KSR2: variants seen among roughly 807,000 people sequenced by gnomAD.
The protein encoded by KSR2 is kinase suppressor of ras 2.
In KSR2, 25 loss-of-function variants were observed where a neutral mutation model predicts 107.8. That is an observed-to-expected ratio of 0.23 (90% CI 0.17 to 0.32). The LOEUF (loss-of-function observed/expected upper bound fraction) is 0.32. KSR2 is among the 10% of genes least tolerant of loss of function. KSR2 has a pLI of 1.00. For missense variants in KSR2, 887 were observed against 1,268.9 expected, an observed-to-expected ratio of 0.70 and a Z score of 4.57; for synonymous variants, 480 against 507.0, an observed-to-expected ratio of 0.95 and a Z score of 0.71.
intron 14 of KSR2, among the ~76,000 whole-genome samples, chr12:117,512,975 G>A (rs1874125707): frequency 1.3e-5 from 2 of 152,064 alleles, no homozygotes; most frequent in African/African-American, 4.8e-5. Context: ...TTCTCTTGGA[G>A]GAAAACCTCT....
In KSR2 at chr12:117,776,776, T is replaced by C. The variant is rs12228883; in HGVS notation, c.473-15252A>G. On this transcript the variant is annotated intron_variant, in intron 3 of 19. Transcript: ENST00000339824. The stretch of plus-strand genomic sequence containing the variant: ...GAGGATCTCATCTCAATTCTTCACC[T>C]TGGGGAGGCTTCCCCACCCACCTCC... Among the ~76,000 whole-genome samples the C allele has an allele frequency of 6.8e-4, 103 of 152,084 alleles. 1 individual carries two copies. The East Asian group carries it at 0.016, about 23-fold the overall frequency.
At chr12:117,960,194 G>A (rs1033360275) in intron 1 of KSR2, among the ~76,000 whole-genome samples, 2 of 152,172 alleles carry the variant, frequency 1.3e-5, no homozygotes, top group Non-Finnish European at 2.9e-5. Flanking sequence ...AAACCTCCAT[G>A]AAAGAGCCTT....
chr12:117,905,568 T>C (rs1457705716), intron 1 of KSR2, among the ~76,000 whole-genome samples: 2 of 152,112 alleles, frequency 1.3e-5, no homozygotes, highest in Non-Finnish European at 2.9e-5. Context: ...TAATGAAGTG[T>C]GCAGGTTACA....
intron 1 of KSR2, among the ~76,000 whole-genome samples, chr12:117,958,672 T>C (rs1221218256): frequency 6.6e-6 from 1 of 152,040 alleles, no homozygotes; most frequent in Non-Finnish European, 1.5e-5. Context: ...AATACAAAAA[T>C]CAGCTGGGTG....
At chr12:117,825,126 G>A (rs562882654) in intron 3 of KSR2, among the ~76,000 whole-genome samples, 1 of 152,252 alleles carries the variant, frequency 6.6e-6, no homozygotes, top group East Asian at 1.9e-4. Context: ...AGGCTGTAGT[G>A]AGCCAACATT....
rs370967631 is a variant in KSR2, at chr12:117,838,158, C to T, written c.472+17270G>A. On this transcript the variant is annotated intron_variant, in intron 3 of 19. Transcript: ENST00000339824. Reference sequence around the variant, plus strand: ...GACCCCAAAAGTCAGCACAATGGACCATGCATAACGTTTTGGGTTGGGTTT... The same window carrying T: ...GACCCCAAAAGTCAGCACAATGGACTATGCATAACGTTTTGGGTTGGGTTT... Among the ~76,000 whole-genome samples the T allele has an allele frequency of 2.1e-4, 32 of 152,330 alleles. No individual in the cohort carries two copies. In the South Asian group the frequency reaches 6.6e-3, roughly 32 times the overall value.
At chr12:117,628,014 G>A (rs1052951469) in intron 5 of KSR2, among the ~76,000 whole-genome samples, 8 of 152,012 alleles carry the variant, frequency 5.3e-5, no homozygotes, top group African/African-American at 7.2e-5. Flanking sequence ...GTTTGTGCAC[G>A]CGTCACGAAG....
At chr12:117,740,699 C>T (rs1020589174) in intron 4 of KSR2, among the ~76,000 whole-genome samples, 7 of 144,430 alleles carry the variant, frequency 4.8e-5, no homozygotes, top group Non-Finnish European at 1.1e-4. Context: ...ATATACACCA[C>T]AATTTATCCA....
intron 7 of KSR2, among the ~76,000 whole-genome samples, chr12:117,567,908 G>A (rs772780621): frequency 3.3e-5 from 5 of 151,628 alleles, no homozygotes; most frequent in Non-Finnish European, 7.4e-5. Flanking sequence ...TCTCTTGTTT[G>A]AGCCAGTGCT....
chr12:117,455,046 G>T lies in KSR2; in HGVS notation c.*12153C>A, dbSNP rs535140090. On this transcript the variant is annotated 3_prime_UTR_variant, in exon 20 of 20. Transcript: ENST00000339824. ...AGAGACAGACAGACAGAGAGAGAGAGAGAGAGAGAGAGAGAGAGAGAGAGA... is the reference window on the plus strand; with the variant it reads ...AGAGACAGACAGACAGAGAGAGAGATAGAGAGAGAGAGAGAGAGAGAGAGA... The T allele has an allele frequency of 4.4e-4, 67 of 150,908 alleles. No homozygotes were observed. The highest frequency in any genetic ancestry group is 1.5e-3 in the African/African-American group (63 of 40,806). 9.3% of individuals were successfully genotyped at this position (150,908 alleles called of 1,614,324 possible).
intron 5 of KSR2, among the ~76,000 whole-genome samples, chr12:117,608,572 G>T (rs1033080234): frequency 8.6e-5 from 13 of 151,988 alleles, no homozygotes; most frequent in African/African-American, 3.1e-4. Context: ...AGTGCCTGGG[G>T]CCCACCCTAT....
In KSR2 at chr12:117,803,820, C is replaced by T. The variant is rs184281991; in HGVS notation, c.473-42296G>A. Among the ~76,000 whole-genome samples, 271 of 152,262 alleles carry T rather than the reference C, an allele frequency of 1.8e-3. 1 individual carries two copies. The highest frequency in any genetic ancestry group is 6.3e-3 in the African/African-American group (261 of 41,552). On this transcript the variant is annotated intron_variant, in intron 3 of 19. Coordinates refer to ENST00000339824, the MANE Select transcript of KSR2 (RefSeq NM_173598.6). ...CACTACAAACTTGAGAGGCTGGGCC[C>T]ATCATTGTCCCCATTTTACAGAGCA...
chr12:117,899,563 C>T (rs79825480), intron 1 of KSR2, among the ~76,000 whole-genome samples: 1,675 of 152,164 alleles, frequency 0.011, 29 homozygotes, highest in African/African-American at 0.038. Flanking sequence ...TGCCAAAGCC[C>T]GTGCACCAAC....
Position 117,457,709 on chromosome 12 carries a change from G to C in KSR2, c.*9490C>G, listed in dbSNP as rs1259970344. ...ATGTTTTTGGATGTCACCAGTACCA[G>C]GTGCTACTGGTATCTTGTGGGGAGA... On this transcript the variant is annotated 3_prime_UTR_variant, in exon 20 of 20. Transcript: ENST00000339824. The C allele has an allele frequency of 1.3e-5, 2 of 152,198 alleles. No individual in the cohort carries two copies. The highest frequency in any genetic ancestry group is 4.8e-5 in the African/African-American group (2 of 41,450). The allele number at this position is 152,198 out of a possible 1,614,324, so 9.4% of individuals were successfully genotyped here. A position where few individuals can be genotyped will look rare whatever the true frequency, so the allele number is the denominator to read the frequency against.
chr12:117,873,936 T>C (rs930237840), intron 1 of KSR2, among the ~76,000 whole-genome samples: 2 of 152,154 alleles, frequency 1.3e-5, no homozygotes. Context: ...TTTGATGGAG[T>C]AGTCTTATGT....
intron 1 of KSR2, among the ~76,000 whole-genome samples, chr12:117,915,913 C>G (rs967022917): frequency 1.3e-5 from 2 of 152,076 alleles, no homozygotes; most frequent in Non-Finnish European, 2.9e-5. Flanking sequence ...CTTCTCTACC[C>G]TCAAGCAGAC....
intron 4 of KSR2, among the ~76,000 whole-genome samples, chr12:117,743,135 C>A (rs1426116131): frequency 6.6e-6 from 1 of 152,236 alleles, no homozygotes; most frequent in East Asian, 1.9e-4. Context: ...CAATCCAATT[C>A]GCCAATCACC....
At chr12:117,894,827 A>G (rs1894460201) in intron 1 of KSR2, among the ~76,000 whole-genome samples, 1 of 150,970 alleles carries the variant, frequency 6.6e-6, no homozygotes, top group African/African-American at 2.4e-5. Context: ...AAGTTTCCTA[A>G]GGCCTCCCCA....
intron 4 of KSR2, among the ~76,000 whole-genome samples, chr12:117,688,303 C>A (rs1885667121): frequency 6.6e-6 from 1 of 152,184 alleles, no homozygotes; most frequent in African/African-American, 2.4e-5. Context: ...TCGCTTGAAC[C>A]CGGGAGGCGG....
Sources: allele counts gnomAD v4.1 joint callset (sites outside exome capture counted in the v4.1 genomes callset), GRCh38; gene constraint gnomAD v4.1.1; transcripts MANE v1.5; gene names NCBI Gene and HGNC (gene_info 2026-07-23, HGNC 2026-07-21).